Variants in LRRC4C observed in about 807,000 individuals in gnomAD.
The protein encoded by LRRC4C is leucine rich repeat containing 4C.
A neutral mutation model predicts 33.6 loss-of-function variants in LRRC4C; 5 were observed. The ratio of observed to expected loss-of-function variants is 0.15; its 90% CI spans 0.08 to 0.31. The LOEUF is 0.31. Ranked by LOEUF, LRRC4C falls within the 10% of genes least tolerant of loss-of-function variation. The pLI is 1.00. For synonymous variants in LRRC4C, 329 were observed against 302.0 expected (o/e 1.09, Z -0.93); for missense variants, 560 against 796.7 (o/e 0.70, Z 3.58).
chr11:40,489,062 CG>C (rs1449267203), intron 3 of LRRC4C, among the ~76,000 whole-genome samples: 5 of 152,204 alleles, frequency 3.3e-5, no homozygotes, highest in African/African-American at 1.2e-4. Flanking sequence ...CCTTCTCTAT[CG>C]GGCTTGTCCT....
intron 4 of LRRC4C, among the ~76,000 whole-genome samples, chr11:40,268,373 C>A (rs1590867109): frequency 1.3e-5 from 2 of 152,116 alleles, no homozygotes; most frequent in South Asian, 2.1e-4. Flanking sequence ...CTTGAAAAAA[C>A]CATGATGCTT....
At chr11:40,285,493 A>G (rs1007739429) in intron 4 of LRRC4C, among the ~76,000 whole-genome samples, 13 of 152,304 alleles carry the variant, frequency 8.5e-5, no homozygotes, top group African/African-American at 2.9e-4. Flanking sequence ...CCTTACTATT[A>G]GCATTGACCA....
chr11:40,399,883 G>A (rs1052233461), intron 3 of LRRC4C, among the ~76,000 whole-genome samples: 3 of 151,964 alleles, frequency 2.0e-5, no homozygotes, highest in Non-Finnish European at 4.4e-5. Flanking sequence ...AAAACGCTCC[G>A]AAGACATATT....
intron 1 of LRRC4C, among the ~76,000 whole-genome samples, chr11:41,174,568 GCT>G (rs1251694506): frequency 6.6e-6 from 1 of 151,670 alleles, no homozygotes; most frequent in Non-Finnish European, 1.5e-5. Flanking sequence ...TTTAAATTCT[GCT>G]CTGTTTTCCA....
At chr11:40,380,471 G>A (rs1168301843) in intron 3 of LRRC4C, among the ~76,000 whole-genome samples, 1 of 152,108 alleles carries the variant, frequency 6.6e-6, no homozygotes, top group East Asian at 1.9e-4. Flanking sequence ...AAAGGATTGG[G>A]CATAAATGTC....
chr11:40,990,878 G>T (rs765541526), intron 1 of LRRC4C, among the ~76,000 whole-genome samples: 8 of 151,836 alleles, frequency 5.3e-5, no homozygotes, highest in Non-Finnish European at 1.0e-4. Flanking sequence ...AAATGTAAAA[G>T]AAGTGCTTTT....
intron 4 of LRRC4C, among the ~76,000 whole-genome samples, chr11:40,301,644 G>A (rs139265531): frequency 2.0e-5 from 3 of 152,028 alleles, no homozygotes; most frequent in African/African-American, 4.8e-5. Flanking sequence ...GGCATAGACA[G>A]TGCAGATTCA....
intron 3 of LRRC4C, among the ~76,000 whole-genome samples, chr11:40,432,445 C>T (rs933417658): frequency 1.3e-5 from 2 of 152,132 alleles, no homozygotes; most frequent in African/African-American, 4.8e-5. Flanking sequence ...AAGAAAGAAG[C>T]CATTTCATGT....
intron 1 of LRRC4C, among the ~76,000 whole-genome samples, chr11:40,953,184 G>A (rs1343192590): frequency 6.6e-6 from 1 of 151,728 alleles, no homozygotes; most frequent in East Asian, 1.9e-4. Flanking sequence ...ATCCCGAGAG[G>A]GACCCTATTT....
intron 3 of LRRC4C, among the ~76,000 whole-genome samples, chr11:40,378,784 G>A (rs1390763274): frequency 6.6e-6 from 1 of 152,054 alleles, no homozygotes; most frequent in African/African-American, 2.4e-5. Context: ...ACAAAACTAT[G>A]CTTATACTAT....
intron 3 of LRRC4C, among the ~76,000 whole-genome samples, chr11:40,618,088 G>T (rs1316698141): frequency 2.6e-5 from 4 of 151,672 alleles, no homozygotes; most frequent in African/African-American, 9.7e-5. Flanking sequence ...AGGTTGGATA[G>T]TGTCCTATTC....
chr11:40,880,565 A>G (rs1955120337), intron 2 of LRRC4C, among the ~76,000 whole-genome samples: 1 of 151,058 alleles, frequency 6.6e-6, no homozygotes, highest in Non-Finnish European at 1.5e-5. Flanking sequence ...AAAACTACAC[A>G]GAATTACAGA....
chr11:40,252,674 A>G (rs1458585392), intron 4 of LRRC4C, among the ~76,000 whole-genome samples: 2 of 152,216 alleles, frequency 1.3e-5, no homozygotes, highest in Non-Finnish European at 2.9e-5. Context: ...ATGTGGCTCT[A>G]AGATTGGTTT....
chr11:40,396,974 A>G (rs1178658502), intron 3 of LRRC4C, among the ~76,000 whole-genome samples: 3 of 152,092 alleles, frequency 2.0e-5, no homozygotes, highest in Non-Finnish European at 2.9e-5. Context: ...TACATTAACC[A>G]TGCACAGAAC....
intron 1 of LRRC4C, among the ~76,000 whole-genome samples, chr11:41,003,803 AG>A (rs2137421529): frequency 6.6e-6 from 1 of 152,102 alleles, no homozygotes; most frequent in South Asian, 2.1e-4. Flanking sequence ...CTTTTGCTGA[AG>A]ACCAAGCAGG....
At chr11:40,800,020 AG>A (rs1950979922) in intron 2 of LRRC4C, among the ~76,000 whole-genome samples, 1 of 152,316 alleles carries the variant, frequency 6.6e-6, no homozygotes, top group Admixed American at 6.5e-5. Flanking sequence ...AAGAAGTCAG[AG>A]GAGAAAAAAA....
At chr11:40,433,719 C>T (rs1388571616) in intron 3 of LRRC4C, among the ~76,000 whole-genome samples, 1 of 152,130 alleles carries the variant, frequency 6.6e-6, no homozygotes, top group Non-Finnish European at 1.5e-5. Flanking sequence ...TGATATTTAT[C>T]ATGTTGCCCA....
At chr11:40,301,656 G>A (rs1253907940) in intron 4 of LRRC4C, among the ~76,000 whole-genome samples, 1 of 151,884 alleles carries the variant, frequency 6.6e-6, no homozygotes, top group African/African-American at 2.4e-5. Context: ...GCAGATTCAA[G>A]AAATGATAGC....
chr11:41,340,470 G>C (rs909729803), intron 1 of LRRC4C, among the ~76,000 whole-genome samples: 5 of 152,148 alleles, frequency 3.3e-5, no homozygotes, highest in Non-Finnish European at 7.3e-5. Context: ...TTGGGATCTA[G>C]TTTCAACTCT....
Sources: allele counts gnomAD v4.1 joint callset (sites outside exome capture counted in the v4.1 genomes callset), GRCh38; gene constraint gnomAD v4.1.1; transcripts MANE v1.5; gene names NCBI Gene and HGNC (gene_info 2026-07-23, HGNC 2026-07-21).